Variants in RAI14 observed in about 807,000 individuals in gnomAD.
The protein encoded by RAI14 is retinoic acid induced 14.
A neutral mutation model predicts 115.4 loss-of-function variants in RAI14; 45 were observed. That is an observed-to-expected ratio of 0.39 (90% CI 0.31 to 0.50). The LOEUF is 0.50. RAI14 is among the 20% of genes least tolerant of loss of function. The probability of loss-of-function intolerance (pLI) is 0.85; values close to 1 mark genes in which losing one functional copy is unlikely to be tolerated. For synonymous variants in RAI14, 371 were observed against 415.4 expected, an observed-to-expected ratio of 0.89 and a Z score of 1.30; for missense variants, 939 against 1,131.2, an observed-to-expected ratio of 0.83 and a Z score of 2.44.
intron 4 of RAI14, among the ~76,000 whole-genome samples, chr5:34,800,530 A>C (rs1370953218): frequency 6.6e-6 from 1 of 152,178 alleles, no homozygotes; most frequent in Non-Finnish European, 1.5e-5. Context: ...TGGAGAGAGA[A>C]TTTGGTGTTA....
chr5:34,749,142 G>T (rs1431955877), intron 2 of RAI14, among the ~76,000 whole-genome samples: 3 of 152,180 alleles, frequency 2.0e-5, no homozygotes, highest in Non-Finnish European at 4.4e-5. Context: ...TTTCGTCTTA[G>T]ACTTGCTGAT....
At chr5:34,819,653 G>C (rs572615355) in intron 13 of RAI14, among the ~76,000 whole-genome samples, 1 of 152,320 alleles carries the variant, frequency 6.6e-6, no homozygotes, top group South Asian at 2.1e-4. Flanking sequence ...AAATGTAGAA[G>C]AGACAATTTC....
intron 3 of RAI14, among the ~76,000 whole-genome samples, chr5:34,758,802 A>G (rs1748235224): frequency 6.6e-6 from 1 of 152,208 alleles, no homozygotes; most frequent in African/African-American, 2.4e-5. Context: ...ACAAAGGCAG[A>G]GTTGAGTAGT....
At chr5:34,774,496 A>G (rs1489244340) in intron 3 of RAI14, among the ~76,000 whole-genome samples, 2 of 152,208 alleles carry the variant, frequency 1.3e-5, no homozygotes, top group Admixed American at 6.5e-5. Flanking sequence ...AAAGTGAATC[A>G]AGTAATTCTA....
intron 2 of RAI14, 112 bp from the exon 3 acceptor site, chr5:34,757,355 AG>A (rs1190663222): frequency 1.7e-6 from 2 of 1,198,840 alleles, no homozygotes; most frequent in Admixed American, 3.4e-5. Context: ...ATTCGGGAGC[AG>A]GCTTTAATTT....
chr5:34,728,568 T>C (rs1486253907), intron 2 of RAI14: 1 of 152,170 alleles, frequency 6.6e-6, no homozygotes, highest in Non-Finnish European at 1.5e-5. Flanking sequence ...CCCCTGCACA[T>C]GCTCTGTCTT....
intron 3 of RAI14, among the ~76,000 whole-genome samples, chr5:34,783,246 G>A (rs1474568362): frequency 6.6e-6 from 1 of 152,186 alleles, no homozygotes; most frequent in African/African-American, 2.4e-5. Flanking sequence ...TGCCATTTGT[G>A]ACAGCTTCTT....
intron 2 of RAI14, among the ~76,000 whole-genome samples, chr5:34,698,183 CCTCCCTTCCCCTCCCTCT>C (rs1465432392): frequency 4.6e-4 from 14 of 30,468 alleles, no homozygotes; most frequent in African/African-American, 1.4e-3. Context: ...CCCTTCCCCT[CCTCCCTTCCCCTCCCTCT>C]CTCCCTTCCC....
At chr5:34,770,299 C>G (rs1323313886) in intron 3 of RAI14, among the ~76,000 whole-genome samples, 1 of 152,144 alleles carries the variant, frequency 6.6e-6, no homozygotes, top group Non-Finnish European at 1.5e-5. Flanking sequence ...AAATTACAAC[C>G]TGAGAAAAAT....
rs772357792 is a variant in RAI14, at chr5:34,823,747, T to C, written c.1905T>C (p.Asn635=). ...CTGAGGACATGAAAGAAGCCATGAA[T>C]AGGATGATAGATGAACTCAATAAAC... ...DEAEDMKEAM[N]RMIDELNKQV... Residue 635 remains asparagine, a synonymous_variant, in exon 15 of 18, where the codon AAT becomes AAC. Coordinates refer to ENST00000265109, the MANE Select transcript of RAI14 (RefSeq NM_015577.3). This position sits in a 1 kb window ranked among gnomAD's most constrained non-coding sequence, Gnocchi z 4.5. The C allele has an allele frequency of 1.2e-6, 2 of 1,614,056 alleles. No homozygotes were observed. The highest frequency in any genetic ancestry group is 1.1e-5 in the South Asian group (1 of 91,070).
chr5:34,684,608 T>C (rs992594984), intron 1 of RAI14: 7 of 152,312 alleles, frequency 4.6e-5, no homozygotes, highest in Admixed American at 3.9e-4. Context: ...AAGTGCTTCA[T>C]GATGACTGGA....
chr5:34,781,034 G>T (rs1408464400), intron 3 of RAI14, among the ~76,000 whole-genome samples: 1 of 151,994 alleles, frequency 6.6e-6, no homozygotes, highest in Non-Finnish European at 1.5e-5. Context: ...GGAATACTAT[G>T]CAGTCATAAA....
intron 3 of RAI14, among the ~76,000 whole-genome samples, chr5:34,772,558 C>A (rs904169909): frequency 6.6e-6 from 1 of 152,074 alleles, no homozygotes; most frequent in African/African-American, 2.4e-5. Context: ...CCATAGAGTA[C>A]CTGCTATTAT....
chr5:34,806,015 C>T (rs1374756671), intron 5 of RAI14, among the ~76,000 whole-genome samples: 2 of 152,076 alleles, frequency 1.3e-5, no homozygotes, highest in Non-Finnish European at 2.9e-5. Flanking sequence ...AAACAATCCA[C>T]AAATAAACAT....
intron 2 of RAI14, among the ~76,000 whole-genome samples, chr5:34,739,015 G>A (rs1561295590): frequency 6.6e-6 from 1 of 152,170 alleles, no homozygotes; most frequent in South Asian, 2.1e-4. Flanking sequence ...CTGTGCTGTA[G>A]ACAGTCTGTA....
rs749055988 is a variant in RAI14, at chr5:34,811,950, G to A, written c.736+5G>A. 1.9e-6 allele frequency: 3 copies of A among 1,600,118 alleles called. No individual in the cohort carries two copies. Among genetic ancestry groups the A allele is most frequent in the Admixed American group, 3.5e-5 (2 of 57,086 alleles). On this transcript the variant is annotated splice_donor_5th_base_variant and intron_variant, in intron 9 of 17. Transcript: ENST00000265109. ...CAAAAATCTCTCAGGATGCTGGTAT[G>A]TAAAAGAAAATAGCCAATGTTGTTT...
intron 2 of RAI14, among the ~76,000 whole-genome samples, chr5:34,710,055 C>G (rs1741198498): frequency 6.6e-6 from 1 of 152,168 alleles, no homozygotes; most frequent in Admixed American, 6.5e-5. Context: ...TGGAATTTGA[C>G]CTTGGTAAGG....
chr5:34,776,807 A>T (rs1464867298), intron 3 of RAI14, among the ~76,000 whole-genome samples: 1 of 151,444 alleles, frequency 6.6e-6, no homozygotes, highest in Admixed American at 6.6e-5. Context: ...ACCCTTTATT[A>T]AAAAAACCCA....
intron 3 of RAI14, among the ~76,000 whole-genome samples, chr5:34,776,202 G>A (rs1750813837): frequency 6.6e-6 from 1 of 152,168 alleles, no homozygotes; most frequent in African/African-American, 2.4e-5. Context: ...TCACTTATTT[G>A]TGGGAGCTAG....
Sources: gnomAD v4.1 joint callset for allele counts (sites outside exome capture counted in the v4.1 genomes callset) on GRCh38, gnomAD v4.1.1 for gene constraint, Gnocchi (gnomAD v3.1) non-coding constraint, MANE v1.5 for transcripts, NCBI Gene and HGNC (gene_info 2026-07-23, HGNC 2026-07-21) for gene names.